The following CRIM1 variants were observed in gnomAD, a reference collection of about 807,000 sequenced individuals.
CRIM1 encodes the protein cysteine rich transmembrane BMP regulator 1.
A neutral mutation model predicts 116.4 loss-of-function variants in CRIM1; 32 were observed. The ratio of observed to expected loss-of-function variants is 0.27; its 90% CI spans 0.21 to 0.37. The LOEUF is 0.37. Among genes scored for constraint, CRIM1 ranks in the 10% least tolerant of loss-of-function variants. The pLI, the probability that CRIM1 is intolerant of heterozygous loss-of-function variation, is 1.00. For missense variants in CRIM1, 1,331 were observed against 1,354.8 expected, an observed-to-expected ratio of 0.98 and a Z score of 0.28; for synonymous variants, 590 against 509.2, an observed-to-expected ratio of 1.16 and a Z score of -2.13.
At chr2:36,407,296 C>G (rs374207498) in intron 2 of CRIM1, among the ~76,000 whole-genome samples, 12 of 152,180 alleles carry the variant, frequency 7.9e-5, no homozygotes, top group African/African-American at 2.7e-4. Flanking sequence ...TGTAAAGTGA[C>G]TTTAAAATAC....
At chr2:36,444,448 G>T (rs1676093524) in intron 4 of CRIM1, among the ~76,000 whole-genome samples, 1 of 152,208 alleles carries the variant, frequency 6.6e-6, no homozygotes, top group East Asian at 1.9e-4. Flanking sequence ...ATTGTATTAG[G>T]TTGGAAAGGA....
chr2:36,396,590 A>T (rs1285651870), intron 1 of CRIM1, 24 bp from the exon 2 acceptor site: 1 of 1,520,552 alleles, frequency 6.6e-7, no homozygotes, highest in Non-Finnish European at 8.9e-7. Flanking sequence ...AACACACATT[A>T]TCTGGTTGTT....
intron 1 of CRIM1, among the ~76,000 whole-genome samples, chr2:36,375,928 T>G (rs912190494): frequency 1.3e-5 from 2 of 152,210 alleles, no homozygotes; most frequent in Non-Finnish European, 2.9e-5. Context: ...ATTTTGAAGT[T>G]TAATAGTCAT....
chr2:36,456,775 C>T (rs1677166957), intron 4 of CRIM1, among the ~76,000 whole-genome samples: 1 of 152,012 alleles, frequency 6.6e-6, no homozygotes, highest in Non-Finnish European at 1.5e-5. Context: ...CTGTGTCTGT[C>T]TCCACCCCCC....
chr2:36,493,477 C>G (rs1454341590), intron 7 of CRIM1, among the ~76,000 whole-genome samples: 1 of 152,130 alleles, frequency 6.6e-6, no homozygotes, highest in Non-Finnish European at 1.5e-5. Flanking sequence ...AATCTGGAAA[C>G]AGAGTTAATT....
intron 2 of CRIM1, among the ~76,000 whole-genome samples, chr2:36,431,837 A>T (rs923532983): frequency 2.0e-5 from 3 of 152,134 alleles, no homozygotes; most frequent in African/African-American, 7.2e-5. Flanking sequence ...CAGACCCTTC[A>T]CTCTGACATA....
At chr2:36,467,784 A>G (rs914949246) in intron 5 of CRIM1, among the ~76,000 whole-genome samples, 7 of 152,216 alleles carry the variant, frequency 4.6e-5, no homozygotes, top group Admixed American at 6.5e-5. Flanking sequence ...CTGGCCATCA[A>G]AGTGAAAAAG....
chr2:36,522,441 C>T, intron 13 of CRIM1, 128 bp downstream of exon 13: 1 of 704,710 alleles, frequency 1.4e-6, no homozygotes, highest in Non-Finnish European at 2.5e-6. Context: ...TCACACAGAC[C>T]CAGTGTAGCA....
intron 13 of CRIM1, among the ~76,000 whole-genome samples, chr2:36,531,237 GACC>G (rs1666094904): frequency 6.6e-6 from 1 of 152,154 alleles, no homozygotes; most frequent in African/African-American, 2.4e-5. Context: ...CTGACTTCAT[GACC>G]ACCAGATTTA....
At chr2:36,402,198 A>G (rs1432462589) in intron 2 of CRIM1, among the ~76,000 whole-genome samples, 5 of 152,214 alleles carry the variant, frequency 3.3e-5, no homozygotes, top group African/African-American at 1.2e-4. Context: ...AAGCTTTGGA[A>G]AACAGTAACC....
At chr2:36,379,726 A>G (rs1383873493) in intron 1 of CRIM1, among the ~76,000 whole-genome samples, 1 of 110,584 alleles carries the variant, frequency 9.0e-6, no homozygotes, top group African/African-American at 3.6e-5. Flanking sequence ...CAGGGATTCT[A>G]TTTCTTTCTT....
intron 4 of CRIM1, 95 bp downstream of exon 4, chr2:36,442,830 C>G: frequency 7.2e-7 from 1 of 1,392,806 alleles, no homozygotes; most frequent in South Asian, 1.2e-5. Flanking sequence ...CATGAGAAAC[C>G]TAGTCCTTTC....
At chr2:36,446,052 T>G (rs1192882546) in intron 4 of CRIM1, among the ~76,000 whole-genome samples, 2 of 152,214 alleles carry the variant, frequency 1.3e-5, no homozygotes, top group Non-Finnish European at 2.9e-5. Context: ...ATTTACATTT[T>G]AGGACATAAT....
At chr2:36,435,425 A>G (rs577992938) in intron 2 of CRIM1, among the ~76,000 whole-genome samples, 3 of 152,146 alleles carry the variant, frequency 2.0e-5, no homozygotes, top group African/African-American at 4.8e-5. Context: ...TGTCAGATGT[A>G]TGGGACTCTA....
In CRIM1 at chr2:36,441,385, G is replaced by T. The variant is rs540620911; in HGVS notation, c.633G>T (p.Val211=). The T allele has an allele frequency of 1.9e-6, 3 of 1,614,200 alleles. No homozygotes were observed. Among genetic ancestry groups the T allele is most frequent in the Non-Finnish European group, 2.5e-6 (3 of 1,180,026 alleles). Residue 211 remains valine (V), a synonymous_variant, in exon 3 of 17, where the codon GTG becomes GTT. Transcript: ENST00000280527. ...GECCPLPSRC[V]CNPAGCLRKV... ...GCTGTCCCTTACCCAGCCGCTGCGTGTGCAACCCCGCAGGCTGTCTGCGCA... is the reference window on the plus strand; with the variant it reads ...GCTGTCCCTTACCCAGCCGCTGCGTTTGCAACCCCGCAGGCTGTCTGCGCA...
At chr2:36,455,896 G>T (rs566379512) in intron 4 of CRIM1, among the ~76,000 whole-genome samples, 188 of 152,244 alleles carry the variant, frequency 1.2e-3, no homozygotes, top group African/African-American at 4.4e-3. Context: ...CTCTGGGGAT[G>T]TGCATTCCTT....
At chr2:36,426,011 T>C (rs1036361385) in intron 2 of CRIM1, among the ~76,000 whole-genome samples, 2 of 152,164 alleles carry the variant, frequency 1.3e-5, no homozygotes, top group Admixed American at 6.5e-5. Context: ...TTATCACATA[T>C]GTAGGAAGTC....
chr2:36,371,766 A>G (rs1669960689), intron 1 of CRIM1, among the ~76,000 whole-genome samples: 1 of 152,200 alleles, frequency 6.6e-6, no homozygotes, highest in Admixed American at 6.5e-5. Context: ...ATCAGCTTAT[A>G]GGAATTTTCC....
chr2:36,461,482 G>C (rs146874151), intron 4 of CRIM1, among the ~76,000 whole-genome samples: 2 of 152,324 alleles, frequency 1.3e-5, no homozygotes, highest in Non-Finnish European at 2.9e-5. Context: ...TGACTCAGTA[G>C]AGGAAAATCT....
Sources: gnomAD v4.1 joint callset for allele counts (sites outside exome capture counted in the v4.1 genomes callset) on GRCh38, gnomAD v4.1.1 for gene constraint, MANE v1.5 for transcripts, NCBI Gene and HGNC (gene_info 2026-07-23, HGNC 2026-07-21) for gene names.